LRRC4C: variants seen among roughly 807,000 people sequenced by gnomAD.
LRRC4C encodes the protein leucine rich repeat containing 4C.
A neutral mutation model predicts 33.6 loss-of-function variants in LRRC4C; 5 were observed. The ratio of observed to expected loss-of-function variants is 0.15; its 90% CI spans 0.08 to 0.31. The LOEUF (loss-of-function observed/expected upper bound fraction) is 0.31. Among genes scored for constraint, LRRC4C ranks in the 10% least tolerant of loss-of-function variants. The probability of loss-of-function intolerance (pLI) is 1.00; values close to 1 mark genes in which losing one functional copy is unlikely to be tolerated. For missense variants in LRRC4C, 560 were observed against 796.7 expected, an observed-to-expected ratio of 0.70 and a Z score of 3.58; for synonymous variants, 329 against 302.0, an observed-to-expected ratio of 1.09 and a Z score of -0.93.
chr11:40,367,127 G>A (rs906258397), intron 3 of LRRC4C, among the ~76,000 whole-genome samples: 16 of 151,980 alleles, frequency 1.1e-4, no homozygotes, highest in South Asian at 1.0e-3. Flanking sequence ...TTGCAACCAC[G>A]TCTATCTTGT....
chr11:40,657,555 A>T (rs1943193774), intron 2 of LRRC4C, among the ~76,000 whole-genome samples: 2 of 152,204 alleles, frequency 1.3e-5, no homozygotes. Context: ...GGAAAGACTA[A>T]TCAGAAACCC....
At chr11:40,252,303 A>T (rs1428440095) in intron 4 of LRRC4C, among the ~76,000 whole-genome samples, 1 of 151,950 alleles carries the variant, frequency 6.6e-6, no homozygotes, top group Admixed American at 6.6e-5. Context: ...CACCTAATAT[A>T]TACACACACA....
chr11:40,506,080 G>T (rs1272821003), intron 3 of LRRC4C, among the ~76,000 whole-genome samples: 1 of 152,110 alleles, frequency 6.6e-6, no homozygotes, highest in Non-Finnish European at 1.5e-5. Context: ...GGTTAGGTAT[G>T]TTCTATGTTT....
intron 6 of LRRC4C, among the ~76,000 whole-genome samples, chr11:40,131,085 A>G (rs1159265738): frequency 6.6e-6 from 1 of 152,214 alleles, no homozygotes; most frequent in Non-Finnish European, 1.5e-5. Context: ...TTTCTCAAAG[A>G]CAGAAACTGG....
chr11:40,823,482 A>G (rs1346654827), intron 2 of LRRC4C, among the ~76,000 whole-genome samples: 1 of 151,786 alleles, frequency 6.6e-6, no homozygotes, highest in Non-Finnish European at 1.5e-5. Flanking sequence ...ATATTTTTAT[A>G]ATCATTCATT....
At chr11:41,061,257 C>T (rs755472543) in intron 1 of LRRC4C, among the ~76,000 whole-genome samples, 3 of 152,042 alleles carry the variant, frequency 2.0e-5, no homozygotes, top group Non-Finnish European at 4.4e-5. Flanking sequence ...GGATTAGGAA[C>T]TTACTCTTAT....
chr11:40,224,562 C>T (rs1168705630), intron 5 of LRRC4C, among the ~76,000 whole-genome samples: 1 of 152,164 alleles, frequency 6.6e-6, no homozygotes, highest in Non-Finnish European at 1.5e-5. Flanking sequence ...AGTTCTTTTC[C>T]TCACTATCTA....
chr11:41,005,310 G>A (rs1400821878), intron 1 of LRRC4C, among the ~76,000 whole-genome samples: 1 of 152,100 alleles, frequency 6.6e-6, no homozygotes, highest in Non-Finnish European at 1.5e-5. Flanking sequence ...TGTTTAAAAA[G>A]GAGCCGCCCC....
At chr11:40,903,371 G>T (rs1263305505) in intron 2 of LRRC4C, among the ~76,000 whole-genome samples, 1 of 152,184 alleles carries the variant, frequency 6.6e-6, no homozygotes, top group Non-Finnish European at 1.5e-5. Context: ...CAGCAGCTCT[G>T]CTGTACAAGT....
chr11:41,446,193 C>T (rs868438374), intron 1 of LRRC4C, among the ~76,000 whole-genome samples: 1 of 152,138 alleles, frequency 6.6e-6, no homozygotes, highest in African/African-American at 2.4e-5. Context: ...ACACAGTAGA[C>T]AACAACTTGA....
At chr11:41,004,272 G>T (rs184197461) in intron 1 of LRRC4C, among the ~76,000 whole-genome samples, 2 of 152,230 alleles carry the variant, frequency 1.3e-5, no homozygotes, top group East Asian at 3.9e-4. Context: ...CAAATTTAAT[G>T]GCCCCTGTAT....
At chr11:40,910,773 G>T (rs1422801370) in intron 2 of LRRC4C, among the ~76,000 whole-genome samples, 8 of 152,200 alleles carry the variant, frequency 5.3e-5, no homozygotes, top group Admixed American at 3.9e-4. Context: ...GAAGTGCAAG[G>T]GGTCAGGGAA....
intron 3 of LRRC4C, among the ~76,000 whole-genome samples, chr11:40,361,375 A>G (rs1947941550): frequency 6.6e-6 from 1 of 152,178 alleles, no homozygotes; most frequent in African/African-American, 2.4e-5. Context: ...TTAGGATACA[A>G]AATTTATGTG....
intron 2 of LRRC4C, among the ~76,000 whole-genome samples, chr11:40,874,401 C>T (rs975926920): frequency 6.6e-6 from 1 of 152,078 alleles, no homozygotes; most frequent in African/African-American, 2.4e-5. Context: ...CTTGCTGGTC[C>T]AGAATCAGCC....
At chr11:40,262,185 C>A (rs567174838) in intron 4 of LRRC4C, among the ~76,000 whole-genome samples, 8 of 152,076 alleles carry the variant, frequency 5.3e-5, no homozygotes, top group Non-Finnish European at 8.8e-5. Context: ...TTAAGAGACA[C>A]TTCTCAAAAG....
chr11:40,223,610 C>T (rs543549160), intron 5 of LRRC4C, among the ~76,000 whole-genome samples: 3 of 152,136 alleles, frequency 2.0e-5, no homozygotes, highest in Non-Finnish European at 4.4e-5. Flanking sequence ...AGTGTCTGTC[C>T]AGAGTGGAAT....
intron 2 of LRRC4C, among the ~76,000 whole-genome samples, chr11:40,925,112 T>TC (rs1957361297): frequency 6.8e-6 from 1 of 146,252 alleles, no homozygotes; most frequent in South Asian, 2.3e-4. Context: ...GGAGGAGCCA[T>TC]CCCCAAATAT....
chr11:40,960,451 C>T (rs1327095740), intron 1 of LRRC4C, among the ~76,000 whole-genome samples: 1 of 151,690 alleles, frequency 6.6e-6, no homozygotes, highest in African/African-American at 2.4e-5. Flanking sequence ...AATTGAGTTT[C>T]TATGATTACT....
intron 2 of LRRC4C, among the ~76,000 whole-genome samples, chr11:40,709,610 C>T (rs184737297): frequency 4.8e-4 from 73 of 152,170 alleles, no homozygotes; most frequent in African/African-American, 1.6e-3. Flanking sequence ...GTGGGAAACT[C>T]GACTTTTCTC....
Sources: allele counts gnomAD v4.1 joint callset (sites outside exome capture counted in the v4.1 genomes callset), GRCh38; gene constraint gnomAD v4.1.1; transcripts MANE v1.5; gene names NCBI Gene and HGNC (gene_info 2026-07-23, HGNC 2026-07-21).